The following PXYLP1 variants were observed in gnomAD, a reference collection of about 807,000 sequenced individuals.
PXYLP1 encodes the protein 2-phosphoxylose phosphatase 1.
A neutral mutation model predicts 37.9 loss-of-function variants in PXYLP1; 17 were observed. The ratio of observed to expected loss-of-function variants is 0.45; its 90% CI spans 0.31 to 0.67. The LOEUF is 0.67. Among genes scored for constraint, PXYLP1 ranks in the 30% least tolerant of loss-of-function variants. The pLI is 0.07. For missense variants in PXYLP1, 511 were observed against 612.0 expected, an observed-to-expected ratio of 0.84 and a Z score of 1.74; for synonymous variants, 221 against 232.2, an observed-to-expected ratio of 0.95 and a Z score of 0.44.
chr3:141,262,049 G>A (rs776791754), intron 2 of PXYLP1: 97 of 154,800 alleles, frequency 6.3e-4, no homozygotes, highest in Non-Finnish European at 8.8e-4. Flanking sequence ...CAGGTGGCTC[G>A]GTAAGTGGGA....
chr3:141,239,915 A>G (rs1029761730), intron 1 of PXYLP1, among the ~76,000 whole-genome samples: 7 of 152,244 alleles, frequency 4.6e-5, no homozygotes, highest in African/African-American at 1.7e-4. Context: ...TAGCACAAGG[A>G]CTGGCATGAA....
chr3:141,241,822 G>A (rs1940808561), intron 1 of PXYLP1, among the ~76,000 whole-genome samples: 2 of 152,190 alleles, frequency 1.3e-5, no homozygotes, highest in African/African-American at 4.8e-5. Flanking sequence ...GGGCTTGGCT[G>A]CTGTCCCAGA....
chr3:141,237,272 C>G (rs989372236), intron 1 of PXYLP1, among the ~76,000 whole-genome samples: 2 of 152,182 alleles, frequency 1.3e-5, no homozygotes, highest in Non-Finnish European at 2.9e-5. Context: ...GTCAAACAAA[C>G]AAACAAAAAC....
intron 5 of PXYLP1, among the ~76,000 whole-genome samples, chr3:141,289,196 ATGT>A (rs2148841133): frequency 6.6e-6 from 1 of 152,146 alleles, no homozygotes; most frequent in African/African-American, 2.4e-5. Context: ...CAAAATATAG[ATGT>A]TCCTTAGTTT....
intron 2 of PXYLP1, among the ~76,000 whole-genome samples, chr3:141,269,665 A>C (rs546952883): frequency 1.6e-4 from 25 of 152,320 alleles, no homozygotes; most frequent in African/African-American, 5.8e-4. Context: ...TTCAGAGATG[A>C]GGATCAATCG....
intron 4 of PXYLP1, among the ~76,000 whole-genome samples, chr3:141,283,797 C>T (rs79600168): frequency 1.6e-3 from 245 of 151,546 alleles, no homozygotes; most frequent in African/African-American, 5.6e-3. Context: ...GTGCAGAACT[C>T]AGTCATTGCT....
chr3:141,245,003 T>C (rs113687977), intron 1 of PXYLP1, among the ~76,000 whole-genome samples: 38 of 151,788 alleles, frequency 2.5e-4, no homozygotes, highest in African/African-American at 8.9e-4. Flanking sequence ...GAGAGGTGAA[T>C]TTTTTTGGCC....
At chr3:141,281,777 ATG>A in intron 4 of PXYLP1, among the ~76,000 whole-genome samples, 1 of 152,180 alleles carries the variant, frequency 6.6e-6, no homozygotes. Flanking sequence ...AGACCAACCC[ATG>A]CAGTGTGAGG....
In PXYLP1 at chr3:141,270,033, T is replaced by C. The variant is rs1222640167; in HGVS notation, c.80-8309T>C. Among the ~76,000 whole-genome samples the C allele has an allele frequency of 5.9e-5, 9 of 152,202 alleles. No homozygotes were observed. In the East Asian group the frequency reaches 1.4e-3, roughly 23 times the overall value. Reference sequence around the variant, plus strand: ...AGGAAAGGGTCAAGGAGGGAGGAGATAGAGCGTGCAAATAGCCCAGGGAGC... The same window carrying C: ...AGGAAAGGGTCAAGGAGGGAGGAGACAGAGCGTGCAAATAGCCCAGGGAGC... On this transcript the variant is annotated intron_variant, in intron 2 of 5. Transcript: ENST00000286353.
At chr3:141,276,358 A>G (rs546564220) in intron 2 of PXYLP1, among the ~76,000 whole-genome samples, 10 of 152,322 alleles carry the variant, frequency 6.6e-5, no homozygotes, top group East Asian at 3.9e-4. Flanking sequence ...CATTTTTTCT[A>G]TGCATTTACG....
chr3:141,248,657 GTATATATACACACA>G (rs1559881620), intron 1 of PXYLP1, among the ~76,000 whole-genome samples: 17 of 62,892 alleles, frequency 2.7e-4, no homozygotes, highest in Non-Finnish European at 4.2e-4. Flanking sequence ...ATATACACAC[GTATATATACACACA>G]CGTGTATATA....
chr3:141,256,374 T>A (rs759754061), intron 1 of PXYLP1, among the ~76,000 whole-genome samples: 1 of 152,200 alleles, frequency 6.6e-6, no homozygotes, highest in Non-Finnish European at 1.5e-5. Context: ...TGAACACAGA[T>A]CTGCCTATCT....
intron 1 of PXYLP1, among the ~76,000 whole-genome samples, chr3:141,243,893 T>C (rs1230471426): frequency 6.6e-6 from 1 of 152,270 alleles, no homozygotes; most frequent in African/African-American, 2.4e-5. Flanking sequence ...ACTGCTTAAC[T>C]GCATTGTTTA....
Position 141,243,337 on chromosome 3 carries a change from A to AT in PXYLP1, c.-54+11429dup, listed in dbSNP as rs1045725098. Among the ~76,000 whole-genome samples, 7 of 152,194 alleles carry AT rather than the reference A, an allele frequency of 4.6e-5. No individual in the cohort carries two copies. The East Asian group carries it at 1.3e-3, about 29-fold the overall frequency. On this transcript the variant is annotated intron_variant, in intron 1 of 5. Transcript: ENST00000286353. ...TATCTATCAGCAGCTTGAGAGTGAC[A>AT]TTTCAAGAATACCACCTTCATCCAG...
At chr3:141,259,997 C>T in intron 1 of PXYLP1, 126 bp from the exon 2 acceptor site, 1 of 656,612 alleles carries the variant, frequency 1.5e-6, no homozygotes, top group Non-Finnish European at 2.6e-6. Context: ...GCTAGAGATG[C>T]ATGCTTCCCT....
chr3:141,232,113 C>T (rs1940529207), intron 1 of PXYLP1: 1 of 152,242 alleles, frequency 6.6e-6, no homozygotes, highest in Non-Finnish European at 1.5e-5. Flanking sequence ...TCCTTTATCC[C>T]CGCGCTCGCC....
chr3:141,244,034 T>G (rs1940879619), intron 1 of PXYLP1, among the ~76,000 whole-genome samples: 1 of 152,248 alleles, frequency 6.6e-6, no homozygotes, highest in Admixed American at 6.5e-5. Context: ...TCCTACTTAC[T>G]TAAGGAATAG....
rs538933062 is a variant in PXYLP1 at position 141,245,834 on chromosome 3, G to C, written c.-54+13923G>C. ...GGATATTGTATACTCTGTGTTATAT[G>C]TTAAGCTTGACCTGTTCCGTGCATT... On this transcript the variant is annotated intron_variant, in intron 1 of 5. Transcript: ENST00000286353. Among the ~76,000 whole-genome samples the C allele has an allele frequency of 2.0e-5, 3 of 152,336 alleles. No individual in the cohort carries two copies. The East Asian group carries it at 5.8e-4, about 29-fold the overall frequency.
chr3:141,245,514 T>C (rs938450606), intron 1 of PXYLP1, among the ~76,000 whole-genome samples: 1 of 152,258 alleles, frequency 6.6e-6, no homozygotes, highest in South Asian at 2.1e-4. Context: ...CTCTGTTCAT[T>C]GCATTCTCTC....
Sources: gnomAD v4.1 joint callset for allele counts (sites outside exome capture counted in the v4.1 genomes callset) on GRCh38, gnomAD v4.1.1 for gene constraint, MANE v1.5 for transcripts, NCBI Gene and HGNC (gene_info 2026-07-23, HGNC 2026-07-21) for gene names.